DOT1L: variants seen among roughly 807,000 people sequenced by gnomAD.
The protein encoded by DOT1L is DOT1 like histone lysine methyltransferase, also known as histone-lysine N-methyltransferase, H3 lysine-79 specific.
A neutral mutation model predicts 153.3 loss-of-function variants in DOT1L; 33 were observed. That is an observed-to-expected ratio of 0.22 (90% CI 0.16 to 0.29). DOT1L has a LOEUF of 0.29. Ranked by LOEUF, DOT1L falls within the 10% of genes least tolerant of loss-of-function variation. The pLI, the probability that DOT1L is intolerant of heterozygous loss-of-function variation, is 1.00. For missense variants in DOT1L, 1,847 were observed against 2,119.9 expected (o/e 0.87, Z 2.53); for synonymous variants, 1,135 against 965.1 (o/e 1.18, Z -3.26).
At position 2,222,589 on chromosome 19, in the gene DOT1L, G is replaced by A. The variant is rs748597369; in HGVS notation, c.3390+30G>A. The A allele has an allele frequency of 2.0e-6, 3 of 1,505,186 alleles. No homozygotes were observed. Among genetic ancestry groups the A allele is most frequent in the Non-Finnish European group, 2.7e-6 (3 of 1,132,038 alleles). 93.2% of individuals were successfully genotyped at this position (1,505,186 alleles called of 1,614,324 possible). On this transcript the variant is annotated intron_variant, in intron 24 of 27. Transcript: ENST00000398665. The surrounding 1 kb of genome is among the most constrained non-coding windows in gnomAD (Gnocchi z 6.5). ...GGATGGGGACCGGCAGGGCTGGGGA[G>A]CGCGGCCTGTGAAAGAAAGACCAGA...
In DOT1L at chr19:2,210,473, C is replaced by T; in HGVS notation, c.1079C>T (p.Pro360Leu). Reference sequence around the variant, plus strand: ...AACGCGGCCACGCCCACTAAGGGCCCAGAGGGCAAGGTGGCCGGCCCCGCC... The same window carrying T: ...AACGCGGCCACGCCCACTAAGGGCCTAGAGGGCAAGGTGGCCGGCCCCGCC... ...KSNAATPTKGPEGKVAGPADA... is the reference protein window; with the variant it reads ...KSNAATPTKGLEGKVAGPADA... Residue 360 changes from proline (P) to leucine (L), a missense_variant, in exon 13 of 28, where the codon CCA (proline) becomes CTA (leucine). By Grantham distance (98) the Pro-to-Leu change is moderately conservative. Coordinates refer to ENST00000398665, the MANE Select transcript of DOT1L (RefSeq NM_032482.3). The T allele has an allele frequency of 2.0e-5, 32 of 1,593,330 alleles. No homozygotes were observed. Among genetic ancestry groups the T allele is most frequent in the Non-Finnish European group, 2.7e-5 (32 of 1,172,482 alleles).
Position 2,191,357 on chromosome 19 carries a change from T to C in DOT1L, c.493+117T>C. 2 of 1,051,450 alleles carry C rather than the reference T, an allele frequency of 1.9e-6. No individual in the cohort carries two copies. Among genetic ancestry groups the C allele is most frequent in the Non-Finnish European group, 2.8e-6 (2 of 705,482 alleles). The allele number at this position is 1,051,450 out of a possible 1,614,324, so 65.1% of individuals were successfully genotyped here. ...GGACTTGCGACGTTGGCGTGGACAG[T>C]GCTTCCTTCTCCCAGCGCCTCTGTC... On this transcript the variant is annotated intron_variant, in intron 5 of 27. Coordinates refer to ENST00000398665, the MANE Select transcript of DOT1L (RefSeq NM_032482.3). The surrounding 1 kb of genome is among the most constrained non-coding windows in gnomAD (Gnocchi z 6.8).
At chr19:2,209,157 C>T (rs1290523937) in intron 12 of DOT1L, among the ~76,000 whole-genome samples, 181 bp downstream of exon 12, 1 of 152,064 alleles carries the variant, frequency 6.6e-6, no homozygotes, top group Non-Finnish European at 1.5e-5. Flanking sequence ...CACTCCTGGT[C>T]CTCTCCCTAC....
intron 16 of DOT1L, 113 bp from the exon 17 acceptor site, chr19:2,213,426 T>C: frequency 9.3e-7 from 1 of 1,072,332 alleles, no homozygotes; most frequent in Non-Finnish European, 1.4e-6. Context: ...CCCTCAGGCA[T>C]GTCTGTCCTT....
At chr19:2,200,060 C>A in intron 8 of DOT1L, 121 bp downstream of exon 8, 2 of 1,308,986 alleles carry the variant, frequency 1.5e-6, no homozygotes, top group South Asian at 1.4e-5. Context: ...AGGAAAGAGG[C>A]CGGTGGGGAC....
At chr19:2,184,296 C>T (rs2022392644) in intron 2 of DOT1L, among the ~76,000 whole-genome samples, 1 of 152,080 alleles carries the variant, frequency 6.6e-6, no homozygotes, top group Non-Finnish European at 1.5e-5. Context: ...AGGCGTTGAC[C>T]ATGCTGGGGA....
rs1170487565 is a variant in DOT1L at position 2,227,043 on chromosome 19, G to T, written c.4522G>T (p.Val1508Leu). The change falls in exon 27 of 28, where the codon GTG becomes TTG. Residue 1508 changes from valine to leucine, a missense_variant. Physicochemically the swap from Val to Leu is conservative, Grantham distance 32. Transcript: ENST00000398665. The part of the protein sequence containing the change: ...FSSVPAAAGL[V>L]HVSSAATRLT... ...CTCTGTGCCGGCCGCCGCAGGCCTG[G>T]TGCACGTGTCGTCCGCTGCCACCAG... 1.3e-6 allele frequency: 2 copies of T among 1,578,846 alleles called. No individual in the cohort carries two copies. The highest frequency in any genetic ancestry group is 1.7e-5 in the Admixed American group (1 of 57,916).
At position 2,164,130 on chromosome 19, in the gene DOT1L, C is replaced by T. The variant is rs1414840051; in HGVS notation, c.-55C>T. ...CCGCCCTCCTCCGCCCACCGGCGGC[C>T]CCGCCCCTCCCCCAACCGCCCGCCT... On this transcript the variant is annotated 5_prime_UTR_variant, in exon 1 of 28. Coordinates refer to ENST00000398665, the MANE Select transcript of DOT1L (RefSeq NM_032482.3). 11 of 911,840 alleles carry T rather than the reference C, an allele frequency of 1.2e-5. No homozygotes were observed. Among genetic ancestry groups the T allele is most frequent in the Non-Finnish European group, 1.5e-5 (11 of 738,564 alleles). 56.5% of individuals were successfully genotyped at this position (911,840 alleles called of 1,614,324 possible).
At chr19:2,216,888 G>A (rs2023925921) in intron 20 of DOT1L, 67 bp from the exon 21 acceptor site, 3 of 1,566,778 alleles carry the variant, frequency 1.9e-6, no homozygotes, top group Admixed American at 1.7e-5. Flanking sequence ...GGGAGGTGCT[G>A]GGCCAGGCCG....
rs374658804 is a variant in DOT1L at position 2,216,431 on chromosome 19, C to A, written c.2074C>A (p.Leu692Met). The change falls in exon 20 of 28, where the codon CTG becomes ATG. Residue 692 changes from leucine (L) to methionine (M), a missense_variant. By Grantham distance (15) the Leu-to-Met change is conservative. Transcript: ENST00000398665. Reference protein sequence around the residue: ...ELEPDASRLHLELDCTKFSLP... With the variant: ...ELEPDASRLHMELDCTKFSLP... ...GGAGCCTGACGCCAGCCGGCTGCAC[C>A]TGGAGCTGGACTGCACCAAGTTCTC... 6.2e-7 allele frequency: 1 copy of A among 1,612,616 alleles called. No homozygotes were observed. Among genetic ancestry groups the A allele is most frequent in the South Asian group, 1.1e-5 (1 of 91,082 alleles).
intron 7 of DOT1L, among the ~76,000 whole-genome samples, chr19:2,195,098 G>A: frequency 6.6e-6 from 1 of 152,134 alleles, no homozygotes; most frequent in East Asian, 1.9e-4. Flanking sequence ...TCCCTGTAGG[G>A]TGTGCGCTCC....
At chr19:2,180,387 G>A (rs956660059) in intron 1 of DOT1L, among the ~76,000 whole-genome samples, 2 of 152,132 alleles carry the variant, frequency 1.3e-5, no homozygotes, top group Non-Finnish European at 2.9e-5. Flanking sequence ...GGAGACATGT[G>A]GAGCGGAGCT....
chr19:2,210,904 C>G lies in DOT1L; in HGVS notation c.1351+49C>G, dbSNP rs1434873455. On this transcript the variant is annotated intron_variant, in intron 14 of 27. Coordinates refer to ENST00000398665, the MANE Select transcript of DOT1L (RefSeq NM_032482.3). ...CCCCGCTCTCCCCGAGTGCGGATGCCTGGGGTCCCCTCTGCTGGGACGCTG... is the reference window on the plus strand; with the variant it reads ...CCCCGCTCTCCCCGAGTGCGGATGCGTGGGGTCCCCTCTGCTGGGACGCTG... 7 of 1,591,246 alleles carry G rather than the reference C, an allele frequency of 4.4e-6. No homozygotes were observed. The Admixed American group carries it at 1.0e-4, about 24-fold the overall frequency.
chr19:2,179,550 G>A (rs1257152472), intron 1 of DOT1L, among the ~76,000 whole-genome samples: 1 of 152,194 alleles, frequency 6.6e-6, no homozygotes, highest in African/African-American at 2.4e-5. Flanking sequence ...GCTCAGGCCT[G>A]TAATCCCAAT....
chr19:2,165,581 C>T (rs1437401397), intron 1 of DOT1L, among the ~76,000 whole-genome samples: 2 of 152,228 alleles, frequency 1.3e-5, no homozygotes, highest in Non-Finnish European at 2.9e-5. Context: ...CGCGCTTCAG[C>T]GCCCCGACCG....
At chr19:2,170,784 G>A (rs1039934426) in intron 1 of DOT1L, among the ~76,000 whole-genome samples, 1 of 152,012 alleles carries the variant, frequency 6.6e-6, no homozygotes, top group Non-Finnish European at 1.5e-5. Context: ...GATAAAGGAC[G>A]ATCTGTGGGA....
intron 1 of DOT1L, among the ~76,000 whole-genome samples, chr19:2,177,203 G>A (rs950713085): frequency 2.6e-5 from 4 of 152,246 alleles, no homozygotes; most frequent in Non-Finnish European, 5.9e-5. Flanking sequence ...CCGACATGTG[G>A]CTGGCGGGAA....
At chr19:2,229,293 T>C in intron 27 of DOT1L, 2 of 985,458 alleles carry the variant, frequency 2.0e-6, no homozygotes, top group South Asian at 9.4e-5. Context: ...GGCGGCGTAG[T>C]GCAAAGGTGC....
intron 22 of DOT1L, among the ~76,000 whole-genome samples, chr19:2,219,830 A>G (rs1229657308): frequency 1.3e-5 from 2 of 150,710 alleles, no homozygotes; most frequent in Non-Finnish European, 3.0e-5. Flanking sequence ...TGTGCCCAGT[A>G]CCCCCTCCCC....
Sources: allele counts gnomAD v4.1 joint callset (sites outside exome capture counted in the v4.1 genomes callset), GRCh38; gene constraint gnomAD v4.1.1; non-coding constraint Gnocchi (gnomAD v3.1); transcripts MANE v1.5; gene names NCBI Gene and HGNC (gene_info 2026-07-23, HGNC 2026-07-21).